CTNNA2: variants seen among roughly 807,000 people sequenced by gnomAD.
CTNNA2 encodes catenin alpha 2, also known as catenin alpha-2.
A neutral mutation model predicts 101.0 loss-of-function variants in CTNNA2; 42 were observed. That is an observed-to-expected ratio of 0.42 (90% CI 0.32 to 0.54). CTNNA2 has a LOEUF of 0.54. Ranked by LOEUF, CTNNA2 falls within the 20% of genes least tolerant of loss-of-function variation. The probability of loss-of-function intolerance (pLI) is 0.14; values close to 1 mark genes in which losing one functional copy is unlikely to be tolerated. For missense variants in CTNNA2, 871 were observed against 1,223.1 expected (o/e 0.71, Z 4.29); for synonymous variants, 450 against 456.4 (o/e 0.99, Z 0.18).
intron 4 of CTNNA2, among the ~76,000 whole-genome samples, chr2:79,431,622 A>G (rs1678660016): frequency 6.6e-6 from 1 of 152,204 alleles, no homozygotes; most frequent in Non-Finnish European, 1.5e-5. Flanking sequence ...ATCCTCCTGC[A>G]AGGAAGGACA....
intron 7 of CTNNA2, among the ~76,000 whole-genome samples, chr2:80,350,648 C>T (rs1244500912): frequency 2.6e-5 from 4 of 152,162 alleles, no homozygotes; most frequent in South Asian, 2.1e-4. Context: ...ATTTTTCTAC[C>T]TAGGATTTTA....
At position 80,648,132 on chromosome 2, in the gene CTNNA2, T is replaced by C. The variant is rs1217171195; in HGVS notation, c.*260T>C. 3.5e-6 allele frequency: 1 copy of C among 289,708 alleles called. No homozygotes were observed. The highest frequency in any genetic ancestry group is 6.4e-6 in the Non-Finnish European group (1 of 155,342). The allele number at this position is 289,708 out of a possible 1,614,324, so 17.9% of individuals were successfully genotyped here. A position where few individuals can be genotyped will look rare whatever the true frequency, so the allele number is the denominator to read the frequency against. ...CATTCTCATAAAATTGGGCACAGAG[T>C]TCGCATTGGCGCAATATTTATGGGA... On this transcript the variant is annotated 3_prime_UTR_variant, in exon 19 of 19. Coordinates refer to ENST00000402739, the MANE Select transcript of CTNNA2 (RefSeq NM_001282597.3).
chr2:80,174,622 G>C (rs1381745674), intron 7 of CTNNA2, among the ~76,000 whole-genome samples: 1 of 152,074 alleles, frequency 6.6e-6, no homozygotes, highest in Non-Finnish European at 1.5e-5. Context: ...AGGTCACAAA[G>C]ACACCCCAAA....
chr2:80,072,039 T>A (rs1558779991), intron 7 of CTNNA2, among the ~76,000 whole-genome samples: 1 of 152,186 alleles, frequency 6.6e-6, no homozygotes, highest in Non-Finnish European at 1.5e-5. Flanking sequence ...TTCAGAGTCA[T>A]GCAATGCTTC....
At chr2:79,954,395 A>C (rs1384264579) in intron 7 of CTNNA2, among the ~76,000 whole-genome samples, 1 of 152,130 alleles carries the variant, frequency 6.6e-6, no homozygotes, top group African/African-American at 2.4e-5. Context: ...CAGCTCTTCT[A>C]CTCTGGACTG....
intron 7 of CTNNA2, among the ~76,000 whole-genome samples, chr2:80,152,262 G>A (rs2148929763): frequency 6.6e-6 from 1 of 152,126 alleles, no homozygotes; most frequent in East Asian, 1.9e-4. Context: ...GGATGGAATA[G>A]GGCAGGTGGT....
chr2:79,766,264 C>T (rs1218211689), intron 3 of CTNNA2, among the ~76,000 whole-genome samples: 1 of 152,068 alleles, frequency 6.6e-6, no homozygotes, highest in Non-Finnish European at 1.5e-5. Flanking sequence ...TTCTTTATTT[C>T]TCCTTTGTGC....
At chr2:79,285,372 C>G (rs1238217782) in intron 2 of CTNNA2, among the ~76,000 whole-genome samples, 2 of 149,852 alleles carry the variant, frequency 1.3e-5, no homozygotes, top group Non-Finnish European at 3.0e-5. Context: ...ATCTTTCCTG[C>G]TTTCTCTTGT....
intron 9 of CTNNA2, among the ~76,000 whole-genome samples, chr2:80,519,857 G>A (rs1196573411): frequency 6.6e-6 from 1 of 152,106 alleles, no homozygotes; most frequent in Non-Finnish European, 1.5e-5. Flanking sequence ...ACCCATAATG[G>A]CCAGGTGTCC....
intron 7 of CTNNA2, among the ~76,000 whole-genome samples, chr2:79,967,600 G>A (rs1219207010): frequency 1.3e-5 from 2 of 152,068 alleles, no homozygotes; most frequent in Non-Finnish European, 2.9e-5. Flanking sequence ...TACCCTGATG[G>A]ATCAACAAGA....
intron 14 of CTNNA2, among the ~76,000 whole-genome samples, chr2:80,582,984 A>C (rs1042311898): frequency 2.0e-5 from 3 of 152,156 alleles, no homozygotes; most frequent in African/African-American, 7.2e-5. Context: ...CAAGTGACCC[A>C]AAAGATATAA....
intron 1 of CTNNA2, among the ~76,000 whole-genome samples, chr2:79,643,708 G>A (rs1194280238): frequency 1.3e-5 from 2 of 152,092 alleles, no homozygotes; most frequent in Non-Finnish European, 2.9e-5. Context: ...TGAAATCAAG[G>A]TATTGATAGG....
At chr2:79,224,475 C>G (rs10165209) in intron 2 of CTNNA2, among the ~76,000 whole-genome samples, 60,793 of 152,096 alleles carry the variant, frequency 0.4, 14,026 homozygotes, top group Non-Finnish European at 0.51. Flanking sequence ...GTGCATCACT[C>G]TATTATCCAT....
intron 7 of CTNNA2, among the ~76,000 whole-genome samples, chr2:79,994,293 G>A (rs796810030): frequency 9.2e-5 from 14 of 152,290 alleles, no homozygotes; most frequent in African/African-American, 3.1e-4. Context: ...CCCGTCCTGG[G>A]AACATTCAAT....
At chr2:79,440,885 C>A (rs1678770163) in intron 4 of CTNNA2, among the ~76,000 whole-genome samples, 1 of 152,168 alleles carries the variant, frequency 6.6e-6, no homozygotes, top group African/African-American at 2.4e-5. Flanking sequence ...GGCTTGTCTG[C>A]CTCTCCTATC....
intron 11 of CTNNA2, among the ~76,000 whole-genome samples, chr2:80,547,981 C>T (rs936664579): frequency 6.6e-6 from 1 of 152,202 alleles, no homozygotes; most frequent in East Asian, 1.9e-4. Flanking sequence ...CGTGAGCCAT[C>T]GCGCCCAGCC....
intron 2 of CTNNA2, among the ~76,000 whole-genome samples, chr2:79,688,465 T>A (rs1357716233): frequency 1.3e-5 from 2 of 151,932 alleles, no homozygotes; most frequent in Non-Finnish European, 2.9e-5. Context: ...AAATTAAAAA[T>A]ATATATATCT....
At chr2:79,548,318 T>C (rs10201474) in intron 1 of CTNNA2, among the ~76,000 whole-genome samples, 1,868 of 152,334 alleles carry the variant, frequency 0.012, 62 homozygotes, top group East Asian at 0.12. Context: ...TTTGTGTGAA[T>C]GTTTCTTATC....
intron 2 of CTNNA2, among the ~76,000 whole-genome samples, chr2:79,286,198 C>T (rs917487224): frequency 6.6e-6 from 1 of 152,130 alleles, no homozygotes; most frequent in Non-Finnish European, 1.5e-5. Flanking sequence ...TGGGTCTTGA[C>T]TCTTTATCCA....
Sources: allele counts gnomAD v4.1 joint callset (sites outside exome capture counted in the v4.1 genomes callset), GRCh38; gene constraint gnomAD v4.1.1; transcripts MANE v1.5; gene names NCBI Gene and HGNC (gene_info 2026-07-23, HGNC 2026-07-21).